USP37: variants seen among roughly 807,000 people sequenced by gnomAD.
The protein encoded by USP37 is ubiquitin specific peptidase 37, also known as ubiquitin carboxyl-terminal hydrolase 37.
A neutral mutation model predicts 124.0 loss-of-function variants in USP37; 27 were observed. The ratio of observed to expected loss-of-function variants is 0.22; its 90% confidence interval spans 0.16 to 0.30. USP37 has a LOEUF of 0.30. Among genes scored for constraint, USP37 ranks in the 10% least tolerant of loss-of-function variants. The pLI is 1.00. For synonymous variants in USP37, 365 were observed against 388.0 expected (o/e 0.94, Z 0.70); for missense variants, 889 against 1,140.4 (o/e 0.78, Z 3.17).
rs573739118 is a variant in USP37, at chr2:218,537,082, C to CTTAT, written c.681-2380_681-2377dup. Among the ~76,000 whole-genome samples, 1,158 of 152,194 alleles carry CTTAT rather than the reference C, an allele frequency of 7.6e-3. 15 individuals carry two copies. Among genetic ancestry groups the CTTAT allele is most frequent in the Non-Finnish European group, 6.8e-3 (464 of 68,018 alleles). On this transcript the variant is annotated intron_variant, in intron 8 of 25. Transcript: ENST00000258399. ...AAAAAAATTTACTAAAAATCATTGA[C>CTTAT]TTATATACCCTTAAAATGGGTCAAT...
In USP37 at chr2:218,511,394, C is replaced by T. The variant is rs550643562; in HGVS notation, c.864-1254G>A. Among the ~76,000 whole-genome samples the T allele has an allele frequency of 3.3e-3, 502 of 152,224 alleles. 1 individual carries two copies. The highest frequency in any genetic ancestry group is 0.011 in the African/African-American group (471 of 41,526). On this transcript the variant is annotated intron_variant, in intron 10 of 25. Transcript: ENST00000258399. ...CGCAATCTCGGCTCACTGCAACCTCCGCCTCCCGGATTCAAGCGATTCTCC... is the reference window on the plus strand; with the variant it reads ...CGCAATCTCGGCTCACTGCAACCTCTGCCTCCCGGATTCAAGCGATTCTCC...
At chr2:218,483,281 A>G (rs1274789079) in intron 16 of USP37, among the ~76,000 whole-genome samples, 1 of 151,604 alleles carries the variant, frequency 6.6e-6, no homozygotes, top group Non-Finnish European at 1.5e-5. Context: ...CCTGCTATGC[A>G]TGGAGCAGTA....
chr2:218,520,371 CAG>C (rs1000381199), intron 10 of USP37, among the ~76,000 whole-genome samples: 4 of 106,178 alleles, frequency 3.8e-5, no homozygotes, highest in African/African-American at 1.4e-4. Context: ...TTTCCAGAGA[CAG>C]AGTTTTGTTC....
chr2:218,458,949 A>G (rs1161667254), intron 23 of USP37, among the ~76,000 whole-genome samples: 1 of 152,146 alleles, frequency 6.6e-6, no homozygotes, highest in Non-Finnish European at 1.5e-5. Context: ...GACTTTTTAA[A>G]AAGTATACAT....
intron 12 of USP37, 30 bp from the exon 13 acceptor site, chr2:218,497,887 C>T (rs200881051): frequency 5.8e-5 from 93 of 1,606,306 alleles, no homozygotes; most frequent in Non-Finnish European, 7.4e-5. Flanking sequence ...AAAGTTAGCA[C>T]GTTTTACATG....
intron 8 of USP37, among the ~76,000 whole-genome samples, chr2:218,535,001 A>G (rs889155021): frequency 1.3e-5 from 2 of 152,248 alleles, no homozygotes; most frequent in Non-Finnish European, 2.9e-5. Flanking sequence ...CAGCAAGATT[A>G]TTAGATTTTC....
At chr2:218,474,608 G>A in intron 20 of USP37, 22 bp downstream of exon 20, 2 of 1,612,090 alleles carry the variant, frequency 1.2e-6, no homozygotes, top group African/African-American at 1.3e-5. Flanking sequence ...TTTCACAGAG[G>A]TTTAATCTTC....
chr2:218,546,816 A>C (rs1692351637), intron 7 of USP37, 103 bp downstream of exon 7: 16 of 1,323,664 alleles, frequency 1.2e-5, no homozygotes, highest in Non-Finnish European at 1.7e-5. Flanking sequence ...ATCTACCAAA[A>C]ATGTACTCTA....
intron 19 of USP37, among the ~76,000 whole-genome samples, chr2:218,476,562 GA>G (rs1690994360): frequency 6.6e-6 from 1 of 152,116 alleles, no homozygotes. Flanking sequence ...GCAACAGAGC[GA>G]TACCCTGTCT....
intron 9 of USP37, among the ~76,000 whole-genome samples, chr2:218,531,491 T>C (rs1169013026): frequency 1.3e-5 from 2 of 152,226 alleles, no homozygotes; most frequent in Non-Finnish European, 2.9e-5. Flanking sequence ...GATGGAGACA[T>C]ACAAAGATAA....
At chr2:218,547,163 A>G (rs1380347121) in intron 6 of USP37, 72 bp from the exon 7 acceptor site, 2 of 1,480,136 alleles carry the variant, frequency 1.4e-6, no homozygotes, top group African/African-American at 2.8e-5. Flanking sequence ...TGATTCTCCA[A>G]TGGAAAGGTT....
chr2:218,516,382 C>T (rs550757736), intron 10 of USP37, among the ~76,000 whole-genome samples: 1 of 152,218 alleles, frequency 6.6e-6, no homozygotes, highest in Middle Eastern at 3.4e-3. Flanking sequence ...GAGTTCATGT[C>T]CTTTGCAGGG....
chr2:218,528,914 G>A (rs1221184043), intron 10 of USP37: 1 of 393,068 alleles, frequency 2.5e-6, no homozygotes, highest in African/African-American at 2.2e-5. Context: ...GACATTCACT[G>A]CTGTAATACA....
chr2:218,566,893 A>G (rs1463246877), intron 1 of USP37, among the ~76,000 whole-genome samples: 1 of 152,164 alleles, frequency 6.6e-6, no homozygotes, highest in Non-Finnish European at 1.5e-5. Context: ...TGTGCCACTT[A>G]ATAAACTGGG....
Position 218,551,819 on chromosome 2 carries a change from G to A in USP37, c.328+1734C>T, listed in dbSNP as rs539969857. Among the ~76,000 whole-genome samples, 14 of 150,638 alleles carry A rather than the reference G, an allele frequency of 9.3e-5. No homozygotes were observed. The East Asian group carries it at 2.3e-3, about 25-fold the overall frequency. ...GATTCTTTTTTTTTTTTGAGATGGA[G>A]TCTCACTCTGTAGCCCAGGCTGGAG... is the stretch of plus-strand genomic sequence containing the variant. On this transcript the variant is annotated intron_variant, in intron 5 of 25. Transcript: ENST00000258399.
At chr2:218,473,385 T>G (rs1184727139) in intron 20 of USP37, 2 of 152,212 alleles carry the variant, frequency 1.3e-5, no homozygotes, top group African/African-American at 4.8e-5. Flanking sequence ...AGGAAAAAAG[T>G]AATGCCTGTG....
At chr2:218,506,207 T>A in intron 11 of USP37, among the ~76,000 whole-genome samples, 1 of 151,896 alleles carries the variant, frequency 6.6e-6, no homozygotes, top group Non-Finnish European at 1.5e-5. Flanking sequence ...TGCTTTAATC[T>A]TCTTCTTCCG....
intron 9 of USP37, among the ~76,000 whole-genome samples, chr2:218,533,978 C>G (rs1385648525): frequency 6.6e-6 from 1 of 152,196 alleles, no homozygotes; most frequent in Non-Finnish European, 1.5e-5. Context: ...CTAATAAGCA[C>G]TAACACTGAT....
chr2:218,533,874 GA>G (rs1359518801), intron 9 of USP37, among the ~76,000 whole-genome samples: 3 of 152,202 alleles, frequency 2.0e-5, no homozygotes, highest in Non-Finnish European at 2.9e-5. Flanking sequence ...TTAAGTGTGG[GA>G]AACATCTGAC....
Sources: allele counts gnomAD v4.1 joint callset (sites outside exome capture counted in the v4.1 genomes callset), GRCh38; gene constraint gnomAD v4.1.1; transcripts MANE v1.5; gene names NCBI Gene and HGNC (gene_info 2026-07-23, HGNC 2026-07-21).